The following ABCA3 variants were observed in gnomAD, a reference collection of about 807,000 sequenced individuals.
The protein encoded by ABCA3 is ATP binding cassette subfamily A member 3, also known as phospholipid-transporting ATPase ABCA3.
In ABCA3, 88 loss-of-function variants were observed where a neutral mutation model predicts 172.8. The ratio of observed to expected loss-of-function variants is 0.51; its 90% CI spans 0.43 to 0.61. ABCA3 has a LOEUF of 0.61. ABCA3 is among the 20% of genes least tolerant of loss of function. The pLI is 0.00. For synonymous variants in ABCA3, 1,066 were observed against 983.8 expected (o/e 1.08, Z -1.56); for missense variants, 2,164 against 2,301.0 (o/e 0.94, Z 1.22).
At chr16:2,339,478 T>G (rs1214852285) in intron 1 of ABCA3, 2 of 152,238 alleles carry the variant, frequency 1.3e-5, no homozygotes, top group East Asian at 3.8e-4. Context: ...TATTTTTCCC[T>G]TTCTCTTACA....
chr16:2,294,331 A>G (rs565284841), intron 18 of ABCA3, among the ~76,000 whole-genome samples: 16 of 152,010 alleles, frequency 1.1e-4, no homozygotes, highest in Non-Finnish European at 1.8e-4. Flanking sequence ...CAGCTGCGAA[A>G]CACTTTCTAA....
intron 1 of ABCA3, among the ~76,000 whole-genome samples, chr16:2,337,524 C>T (rs1026109837): frequency 1.3e-5 from 2 of 151,632 alleles, no homozygotes; most frequent in Admixed American, 1.3e-4. Flanking sequence ...TGGGTGTGCA[C>T]CACCATGCCC....
intron 28 of ABCA3, among the ~76,000 whole-genome samples, chr16:2,280,624 C>G (rs1452587243): frequency 6.6e-6 from 1 of 152,178 alleles, no homozygotes; most frequent in East Asian, 1.9e-4. Flanking sequence ...AGGGCTGCCT[C>G]TGGTCCTTCT....
Position 2,276,410 on chromosome 16 carries a change from G to A in ABCA3, c.*264C>T. The A allele has an allele frequency of 1.6e-6, 1 of 626,446 alleles. No individual in the cohort carries two copies. The highest frequency in any genetic ancestry group is 2.9e-6 in the Non-Finnish European group (1 of 346,582). 38.8% of individuals were successfully genotyped at this position (626,446 alleles called of 1,614,324 possible). The stretch of plus-strand genomic sequence containing the variant: ...CAGCTCTCCACCCAGAGACCCCGGA[G>A]CTTGCCCGCAGACTGCCCGGCCTGC... On this transcript the variant is annotated 3_prime_UTR_variant, in exon 33 of 33. Transcript: ENST00000301732.
chr16:2,327,648 C>A (rs1249540827), intron 3 of ABCA3, among the ~76,000 whole-genome samples: 2 of 152,216 alleles, frequency 1.3e-5, no homozygotes, highest in Non-Finnish European at 2.9e-5. Flanking sequence ...CCCTAAAGAC[C>A]GGCTTTTCCT....
intron 10 of ABCA3, among the ~76,000 whole-genome samples, chr16:2,310,103 T>A (rs1468277406): frequency 6.6e-6 from 1 of 151,984 alleles, no homozygotes; most frequent in Non-Finnish European, 1.5e-5. Context: ...CAAGTCAACA[T>A]ACATTTATGA....
intron 7 of ABCA3, among the ~76,000 whole-genome samples, chr16:2,320,530 C>T (rs1047001042): frequency 2.0e-5 from 3 of 151,672 alleles, no homozygotes; most frequent in Middle Eastern, 3.4e-3. Flanking sequence ...GCTGGGATTA[C>T]AGGTGCACAC....
chr16:2,289,893 C>G (rs2093669163), intron 19 of ABCA3, among the ~76,000 whole-genome samples: 1 of 151,712 alleles, frequency 6.6e-6, no homozygotes, highest in Non-Finnish European at 1.5e-5. Flanking sequence ...TCTCAAAGTG[C>G]TGGGATTACA....
chr16:2,334,932 G>A (rs1438308133), intron 1 of ABCA3, among the ~76,000 whole-genome samples: 1 of 151,148 alleles, frequency 6.6e-6, no homozygotes, highest in Non-Finnish European at 1.5e-5. Context: ...GAGTTCAAGC[G>A]ATTCTCCTGC....
At position 2,276,795 on chromosome 16, in the gene ABCA3, A is replaced by G. The variant is rs2093647132; in HGVS notation, c.4994T>C (p.Ile1665Thr). The change falls in exon 33 of 33, where the codon ATT (isoleucine) becomes ACT (threonine). Residue 1665 changes from isoleucine (I) to threonine (T), a missense_variant. Ile to Thr is a moderately conservative substitution (Grantham distance 89, BLOSUM62 -1). This residue lies in a region of ABCA3 where 795 missense variants were observed against 881.9 expected (regional missense o/e 0.90). Transcript: ENST00000301732. ...RDLSWAKVFG[I>T]LEKAKEKYGV... Reference sequence around the variant, plus strand: ...GTACTTTTCCTTGGCTTTCTCCAGAATACCGAAAACCTTTGGGGAGCAGAA... The same window carrying G: ...GTACTTTTCCTTGGCTTTCTCCAGAGTACCGAAAACCTTTGGGGAGCAGAA... 1 of 1,613,756 alleles carries G rather than the reference A, an allele frequency of 6.2e-7. No homozygotes were observed. The highest frequency in any genetic ancestry group is 8.5e-7 in the Non-Finnish European group (1 of 1,180,016).
Position 2,297,812 on chromosome 16 carries a change from A to G in ABCA3, c.2006T>C (p.Met669Thr), listed in dbSNP as rs1208791989. Residue 669 changes from methionine to threonine, a missense_variant, in exon 16 of 33, where the codon ATG becomes ACG. Physicochemically the swap from Met to Thr is moderately conservative, Grantham distance 81. Around this residue, in one of 3 missense-constraint regions of ABCA3, gnomAD observed 1,343 missense variants for 1,369.6 expected, o/e 0.98. Transcript: ENST00000301732. This position sits in a 1 kb window ranked among gnomAD's most constrained non-coding sequence, Gnocchi z 5.6. ...GATGCCGATGGAGAGCTTGCGCCTC[A>G]TGCCCCCGCTCAGGAAGCGGCTCCG... ...NSRSRFLSGG[M>T]RRKLSIGIAL... The G allele has an allele frequency of 4.3e-6, 7 of 1,613,578 alleles. No homozygotes were observed. The highest frequency in any genetic ancestry group is 1.7e-5 in the Admixed American group (1 of 60,022).
intron 17 of ABCA3, 97 bp from the exon 18 acceptor site, chr16:2,295,837 G>T: frequency 6.4e-7 from 1 of 1,551,962 alleles, no homozygotes. Context: ...GCAAGCTGGT[G>T]GGAAGGAGGC....
chr16:2,300,745 C>T (rs1040120578), intron 12 of ABCA3, among the ~76,000 whole-genome samples: 3 of 152,174 alleles, frequency 2.0e-5, no homozygotes, highest in Non-Finnish European at 4.4e-5. Flanking sequence ...CACAGTGGTG[C>T]GGGCAGAGCA....
At chr16:2,316,732 G>C (rs987100291) in intron 10 of ABCA3, among the ~76,000 whole-genome samples, 1 of 151,554 alleles carries the variant, frequency 6.6e-6, no homozygotes, top group Non-Finnish European at 1.5e-5. Flanking sequence ...TGGTGAGGTT[G>C]GAGTTTTACC....
chr16:2,285,387 G>C lies in ABCA3; in HGVS notation c.3483+55C>G. 6.4e-7 allele frequency: 1 copy of C among 1,555,006 alleles called. No individual in the cohort carries two copies. The highest frequency in any genetic ancestry group is 8.7e-7 in the Non-Finnish European group (1 of 1,149,414). ...GTTCCGGTTCTGCACAGGGGTCCCAGGGCAAGCCCTCTGCGGTCTGCAGGG... is the reference window on the plus strand; with the variant it reads ...GTTCCGGTTCTGCACAGGGGTCCCACGGCAAGCCCTCTGCGGTCTGCAGGG... On this transcript the variant is annotated intron_variant, in intron 23 of 32. Transcript: ENST00000301732. The surrounding 1 kb of genome is among the most constrained non-coding windows in gnomAD (Gnocchi z 4.7).
At chr16:2,289,247 G>C (rs1412104013) in intron 20 of ABCA3, 187 bp downstream of exon 20, 1 of 666,734 alleles carries the variant, frequency 1.5e-6, no homozygotes, top group Admixed American at 2.7e-5. Context: ...AATTCCAGTT[G>C]CTCCATTCAA....
At chr16:2,298,734 G>A (rs998284869) in intron 14 of ABCA3, among the ~76,000 whole-genome samples, 194 bp from the exon 15 acceptor site, 1 of 152,144 alleles carries the variant, frequency 6.6e-6, no homozygotes, top group African/African-American at 2.4e-5. Context: ...CATGGAAACA[G>A]CCCTGCCACT....
At chr16:2,317,613 C>T (rs371057625) in intron 9 of ABCA3, 35 bp downstream of exon 9, 107 of 1,609,144 alleles carry the variant, frequency 6.6e-5, no homozygotes, top group East Asian at 3.6e-4. Flanking sequence ...TGGCTCTCCC[C>T]GTCCTCACCA....
chr16:2,284,193 G>T lies in ABCA3; in HGVS notation c.3862+86C>A. 6.7e-7 allele frequency: 1 copy of T among 1,485,468 alleles called. No individual in the cohort carries two copies. The allele number at this position is 1,485,468 out of a possible 1,614,324, so 92.0% of individuals were successfully genotyped here. On this transcript the variant is annotated intron_variant, in intron 25 of 32. Coordinates refer to ENST00000301732, the MANE Select transcript of ABCA3 (RefSeq NM_001089.3). The surrounding 1 kb of genome is among the most constrained non-coding windows in gnomAD (Gnocchi z 5.9). ...AGCCCCAGGCCACTCAGACGCAGAG[G>T]AGCCCCTGCCCTAGGAGGCCCCTCT...
Sources: gnomAD v4.1 joint callset for allele counts (sites outside exome capture counted in the v4.1 genomes callset) on GRCh38, gnomAD v4.1.1 for gene constraint, gnomAD v4.1.1 regional missense constraint, Gnocchi (gnomAD v3.1) non-coding constraint, MANE v1.5 for transcripts, NCBI Gene and HGNC (gene_info 2026-07-23, HGNC 2026-07-21) for gene names.